NHS: variants seen among roughly 807,000 people sequenced by gnomAD.
NHS encodes the protein actin remodeling regulator NHS.
In NHS, 5 loss-of-function variants were observed where a neutral mutation model predicts 72.5. The ratio of observed to expected loss-of-function variants is 0.07; its 90% CI spans 0.04 to 0.14. NHS has a LOEUF of 0.14. Ranked by LOEUF, NHS falls within the 10% of genes least tolerant of loss-of-function variation. NHS has a pLI of 1.00. For missense variants in NHS, 1,072 were observed against 1,355.7 expected, an observed-to-expected ratio of 0.79 and a Z score of 3.29; for synonymous variants, 464 against 547.7, an observed-to-expected ratio of 0.85 and a Z score of 2.13.
chrX:17,667,139 T>C (rs2066017589), intron 1 of NHS, among the ~76,000 whole-genome samples: 1 of 112,806 alleles, frequency 8.9e-6, no homozygotes, highest in Non-Finnish European at 1.9e-5. Context: ...CTTCTGCCAA[T>C]AGAGCTCAGA....
At position 17,593,152 on chromosome X, in the gene NHS, A is replaced by G. The variant is rs191704803; in HGVS notation, c.566-94590A>G. 2.4e-3 allele frequency among the ~76,000 whole-genome samples: 263 copies of G among 111,387 alleles called. 3 individuals are homozygous for G. The highest frequency in any genetic ancestry group is 8.2e-3 in the African/African-American group (250 of 30,659). ...GGCTTTGAAGTAGGATATGAGTTCA[A>G]GTTATGACTCTTACTCCATTTGTAA... On this transcript the variant is annotated intron_variant, in intron 1 of 8. Transcript: ENST00000676302.
At chrX:17,723,878 T>C (rs901999415) in intron 5 of NHS, among the ~76,000 whole-genome samples, 4 of 110,567 alleles carry the variant, frequency 3.6e-5, no homozygotes, top group African/African-American at 1.3e-4. Context: ...TCAGGATATG[T>C]TAGCTGAGCT....
At chrX:17,719,011 A>G (rs2066387749) in intron 3 of NHS, among the ~76,000 whole-genome samples, 1 of 91,857 alleles carries the variant, frequency 1.1e-5, no homozygotes, top group African/African-American at 4.1e-5. Context: ...ATGGAAGAAG[A>G]AAGGAAGGAA....
At chrX:17,383,369 C>T (rs1028682773) in intron 1 of NHS, among the ~76,000 whole-genome samples, 3 of 111,674 alleles carry the variant, frequency 2.7e-5, no homozygotes, top group Non-Finnish European at 5.6e-5. Flanking sequence ...ACACGCCCAG[C>T]CCCTCCCAGA....
intron 1 of NHS, among the ~76,000 whole-genome samples, chrX:17,536,362 C>A (rs1188369862): frequency 9.0e-6 from 1 of 111,577 alleles, no homozygotes; most frequent in South Asian, 3.7e-4. Flanking sequence ...CTCAAAAAAA[C>A]AAACAAACAA....
intron 1 of NHS, chrX:17,687,134 GCT>G (rs759911283): frequency 8.2e-6 from 1 of 122,400 alleles, no homozygotes; most frequent in South Asian, 2.9e-4. Context: ...TAATGCGTAT[GCT>G]CACCCCTGGG....
intron 3 of NHS, among the ~76,000 whole-genome samples, chrX:17,712,253 GTATATATATATATATATATATATATA>G (rs1216194040): frequency 2.0e-4 from 10 of 50,142 alleles, no homozygotes; most frequent in Admixed American, 6.3e-4. Flanking sequence ...TTGTGTGTGT[GTATATATATATATATATATATATATA>G]TATATATATA....
In NHS at chrX:17,564,872, A is replaced by G. The variant is rs1053942832; in HGVS notation, c.566-122870A>G. 3.6e-5 allele frequency among the ~76,000 whole-genome samples: 4 copies of G among 112,576 alleles called. No homozygotes were observed. The Admixed American group carries it at 3.7e-4, about 11-fold the overall frequency. On this transcript the variant is annotated intron_variant, in intron 1 of 8. Transcript: ENST00000676302. ...CCTGTCACATTTCAAAGGCGAGTCCAGTGTTTCCACACGGAGCCTTGCACC... is the reference window on the plus strand; with the variant it reads ...CCTGTCACATTTCAAAGGCGAGTCCGGTGTTTCCACACGGAGCCTTGCACC...
chrX:17,635,401 G>A, intron 1 of NHS: 1 of 1,159,069 alleles, frequency 8.6e-7, no homozygotes. Flanking sequence ...CAGAGGTTCT[G>A]TGAAAATCTG....
chrX:17,710,363 A>T (rs923934446), intron 3 of NHS, among the ~76,000 whole-genome samples: 2 of 112,719 alleles, frequency 1.8e-5, no homozygotes, highest in Non-Finnish European at 3.7e-5. Context: ...ACATCATTAC[A>T]GAATATTCTC....
chrX:17,568,159 C>T, intron 1 of NHS, among the ~76,000 whole-genome samples: 1 of 112,131 alleles, frequency 8.9e-6, no homozygotes, highest in Non-Finnish European at 1.9e-5. Context: ...TCTTGGTCAG[C>T]TAGCATGAAA....
chrX:17,404,569 T>C (rs752742174), intron 1 of NHS, among the ~76,000 whole-genome samples: 1 of 111,235 alleles, frequency 9.0e-6, no homozygotes, highest in African/African-American at 3.3e-5. Flanking sequence ...CTAAATGAAC[T>C]GGTTTTCAAG....
At chrX:17,409,624 G>A (rs1490791917) in intron 1 of NHS, among the ~76,000 whole-genome samples, 2 of 111,646 alleles carry the variant, frequency 1.8e-5, no homozygotes, top group Non-Finnish European at 3.8e-5. Flanking sequence ...AGTTGTAATT[G>A]TTCTTGGATC....
chrX:17,617,485 G>A (rs151113974), intron 1 of NHS, among the ~76,000 whole-genome samples: 1,634 of 111,898 alleles, frequency 0.015, 32 homozygotes, highest in African/African-American at 0.051. Flanking sequence ...TATATTTTTC[G>A]CCTTCCTTCA....
At chrX:17,603,604 T>C (rs766268570) in intron 1 of NHS, among the ~76,000 whole-genome samples, 68 of 112,162 alleles carry the variant, frequency 6.1e-4, no homozygotes, top group Non-Finnish European at 9.4e-4. Flanking sequence ...GTTAGACATT[T>C]CTTCATTTAT....
chrX:17,485,491 C>T (rs980887418), intron 1 of NHS, among the ~76,000 whole-genome samples: 1 of 111,514 alleles, frequency 9.0e-6, no homozygotes, highest in Non-Finnish European at 1.9e-5. Flanking sequence ...AGGTGCCCTC[C>T]GACTCTGAAA....
chrX:17,584,429 CT>C (rs1569287717), intron 1 of NHS, among the ~76,000 whole-genome samples: 1 of 111,884 alleles, frequency 8.9e-6, no homozygotes, highest in African/African-American at 3.3e-5. Flanking sequence ...CTTGGTGGGC[CT>C]CCTATTGGTG....
intron 1 of NHS, among the ~76,000 whole-genome samples, chrX:17,430,464 T>C (rs1358080814): frequency 9.7e-6 from 1 of 103,238 alleles, no homozygotes; most frequent in African/African-American, 3.6e-5. Context: ...TCCTTATTTA[T>C]TGGGTGCTAA....
At chrX:17,611,373 G>T (rs1021010879) in intron 1 of NHS, among the ~76,000 whole-genome samples, 1 of 111,662 alleles carries the variant, frequency 9.0e-6, no homozygotes, top group African/African-American at 3.3e-5. Context: ...CTGCATTCAG[G>T]CTCAAGGCTG....
Sources: gnomAD v4.1 joint callset for allele counts (sites outside exome capture counted in the v4.1 genomes callset) on GRCh38, gnomAD v4.1.1 for gene constraint, MANE v1.5 for transcripts, NCBI Gene and HGNC (gene_info 2026-07-23, HGNC 2026-07-21) for gene names.